The following SETBP1 variants were observed in gnomAD, a reference collection of about 807,000 sequenced individuals.
SETBP1 encodes SET-binding protein.
In SETBP1, 9 loss-of-function variants were observed where a neutral mutation model predicts 101.0. The ratio of observed to expected loss-of-function variants is 0.09; its 90% CI spans 0.05 to 0.16. The LOEUF (loss-of-function observed/expected upper bound fraction) is 0.16. SETBP1 is among the 10% of genes least tolerant of loss of function. The pLI, the probability that SETBP1 is intolerant of heterozygous loss-of-function variation, is 1.00. For missense variants in SETBP1, 1,858 were observed against 2,033.8 expected (o/e 0.91, Z 1.66); for synonymous variants, 818 against 788.5 (o/e 1.04, Z -0.63).
At chr18:44,789,828 C>T (rs1157743477) in intron 2 of SETBP1, among the ~76,000 whole-genome samples, 1 of 152,182 alleles carries the variant, frequency 6.6e-6, no homozygotes, top group African/African-American at 2.4e-5. Context: ...CCAACCATGA[C>T]ATGCCTGGTT....
At chr18:44,974,909 T>G (rs1304254403) in intron 4 of SETBP1, among the ~76,000 whole-genome samples, 2 of 152,164 alleles carry the variant, frequency 1.3e-5, no homozygotes, top group Admixed American at 1.3e-4. Flanking sequence ...TTTTACTAAA[T>G]TGGCCTGTGA....
intron 3 of SETBP1, among the ~76,000 whole-genome samples, chr18:44,872,547 C>A (rs1173495477): frequency 1.3e-5 from 2 of 152,222 alleles, no homozygotes; most frequent in Non-Finnish European, 2.9e-5. Flanking sequence ...TGCTGGACAA[C>A]CCATTCCTTT....
chr18:44,940,264 A>G (rs2071056752), intron 3 of SETBP1, among the ~76,000 whole-genome samples: 1 of 152,200 alleles, frequency 6.6e-6, no homozygotes, highest in Admixed American at 6.5e-5. Flanking sequence ...CTTTGTATTT[A>G]AAGTGTATCT....
chr18:44,906,481 C>T (rs1222700827), intron 3 of SETBP1, among the ~76,000 whole-genome samples: 2 of 152,150 alleles, frequency 1.3e-5, no homozygotes, highest in South Asian at 2.1e-4. Flanking sequence ...AGCTCACTTT[C>T]GTCAGGAGAG....
At position 44,953,206 on chromosome 18, in the gene SETBP1, A is replaced by T; in HGVS notation, c.3866A>T (p.Asp1289Val). 1.2e-6 allele frequency: 2 copies of T among 1,614,144 alleles called. No individual in the cohort carries two copies. Among genetic ancestry groups the T allele is most frequent in the Non-Finnish European group, 1.7e-6 (2 of 1,180,032 alleles). The change falls in exon 4 of 6, where the codon GAC (aspartate) becomes GTC (valine). Residue 1289 changes from aspartate to valine, a missense_variant. Physicochemically the swap from Asp to Val is radical, Grantham distance 152. Around this residue, in one of 12 missense-constraint regions of SETBP1, gnomAD observed 417 missense variants for 389.1 expected, o/e 1.07. Transcript: ENST00000649279. The part of the protein sequence containing the change: ...DVFSEMNPSN[D>V]KWDSDVSGSK... ...TTCAGTGAAATGAACCCTTCGAATG[A>T]CAAGTGGGACAGTGACGTGAGTGGG...
chr18:44,875,693 A>T, intron 3 of SETBP1, among the ~76,000 whole-genome samples: 1 of 152,242 alleles, frequency 6.6e-6, no homozygotes, highest in South Asian at 2.1e-4. Flanking sequence ...ATGCCGGAAG[A>T]TGTTCTTTGA....
At chr18:44,992,076 G>A (rs1306595583) in intron 4 of SETBP1, among the ~76,000 whole-genome samples, 2 of 152,126 alleles carry the variant, frequency 1.3e-5, no homozygotes, top group African/African-American at 4.8e-5. Flanking sequence ...AACACAACAT[G>A]TCAAAACATG....
At chr18:44,897,220 C>T (rs911892023) in intron 3 of SETBP1, among the ~76,000 whole-genome samples, 1 of 152,142 alleles carries the variant, frequency 6.6e-6, no homozygotes, top group Non-Finnish European at 1.5e-5. Context: ...GAGGTGTGGC[C>T]CACAGTCTGT....
At chr18:44,821,024 A>G (rs966152605) in intron 2 of SETBP1, among the ~76,000 whole-genome samples, 2 of 152,184 alleles carry the variant, frequency 1.3e-5, no homozygotes, top group African/African-American at 4.8e-5. Flanking sequence ...CCCACAGGAT[A>G]TCCAAAGAAA....
At chr18:44,944,898 T>A (rs1419885023) in intron 3 of SETBP1, among the ~76,000 whole-genome samples, 6 of 152,140 alleles carry the variant, frequency 3.9e-5, no homozygotes, top group Admixed American at 3.9e-4. Context: ...TGCTTCCCAT[T>A]TTTTGGACTT....
intron 2 of SETBP1, among the ~76,000 whole-genome samples, chr18:44,831,668 G>T (rs1332337770): frequency 1.3e-5 from 2 of 152,196 alleles, no homozygotes; most frequent in African/African-American, 4.8e-5. Flanking sequence ...AGAGGAGTGA[G>T]TAAGGTAATA....
chr18:44,976,362 C>A (rs1459529372), intron 4 of SETBP1, among the ~76,000 whole-genome samples: 5 of 152,094 alleles, frequency 3.3e-5, no homozygotes. Flanking sequence ...AGCTCCAAAG[C>A]AAATGAACCT....
chr18:44,902,258 C>A (rs1160080468), intron 3 of SETBP1, among the ~76,000 whole-genome samples: 1 of 151,902 alleles, frequency 6.6e-6, no homozygotes, highest in Non-Finnish European at 1.5e-5. Flanking sequence ...CTCTCTGTCT[C>A]TTACAATTTA....
chr18:45,022,933 C>G (rs1040963199), intron 4 of SETBP1, among the ~76,000 whole-genome samples: 1 of 152,126 alleles, frequency 6.6e-6, no homozygotes, highest in East Asian at 1.9e-4. Context: ...CACATTTAAG[C>G]CTGGGGGATA....
At chr18:44,787,935 CATAA>C (rs1247416956) in intron 2 of SETBP1, among the ~76,000 whole-genome samples, 18 of 117,964 alleles carry the variant, frequency 1.5e-4, no homozygotes, top group African/African-American at 5.7e-4. Flanking sequence ...CTTCATGAAA[CATAA>C]ATAAAGACCT....
chr18:44,713,896 A>G (rs2069401116), intron 2 of SETBP1, among the ~76,000 whole-genome samples: 1 of 152,232 alleles, frequency 6.6e-6, no homozygotes, highest in African/African-American at 2.4e-5. Flanking sequence ...TCTAGTGACT[A>G]CATAGAAGGC....
intron 2 of SETBP1, among the ~76,000 whole-genome samples, chr18:44,812,719 C>T (rs1312418856): frequency 6.6e-6 from 1 of 152,042 alleles, no homozygotes; most frequent in Non-Finnish European, 1.5e-5. Context: ...CCTGCCAACA[C>T]CTTGAAAATC....
Position 44,952,205 on chromosome 18 carries a change from A to T in SETBP1, c.2865A>T (p.Ala955=), listed in dbSNP as rs778804454. The change falls in exon 4 of 6, where the codon GCA becomes GCT. Residue 955 remains alanine, a synonymous_variant. Coordinates refer to ENST00000649279, the MANE Select transcript of SETBP1 (RefSeq NM_015559.3). ...LQNRDDLQFL[A]DLEELITKFQ... ...ACCGCGATGACCTCCAGTTTCTGGC[A>T]GACCTGGAGGAGCTAATCACCAAGT... 6.2e-7 allele frequency: 1 copy of T among 1,614,200 alleles called. No homozygotes were observed. The highest frequency in any genetic ancestry group is 1.1e-5 in the South Asian group (1 of 91,078).
intron 2 of SETBP1, among the ~76,000 whole-genome samples, chr18:44,863,507 A>G (rs2069060793): frequency 6.6e-6 from 1 of 152,112 alleles, no homozygotes; most frequent in African/African-American, 2.4e-5. Flanking sequence ...GAACTTTTTT[A>G]TGGGTTGAAA....
Sources: gnomAD v4.1 joint callset for allele counts (sites outside exome capture counted in the v4.1 genomes callset) on GRCh38, gnomAD v4.1.1 for gene constraint, gnomAD v4.1.1 regional missense constraint, MANE v1.5 for transcripts, NCBI Gene and HGNC (gene_info 2026-07-23, HGNC 2026-07-21) for gene names.